Variants in TNNI3K observed in about 807,000 individuals in gnomAD.
TNNI3K encodes the protein TNNI3 interacting kinase.
A neutral mutation model predicts 114.5 loss-of-function variants in TNNI3K; 140 were observed. That is an observed-to-expected ratio of 1.22 (90% CI 1.07 to 1.41). The LOEUF is 1.41. Among genes scored for constraint, TNNI3K ranks in the 40% most tolerant of loss-of-function variants. TNNI3K has a pLI of 0.00. For synonymous variants in TNNI3K, 347 were observed against 347.5 expected, an observed-to-expected ratio of 1.00 and a Z score of 0.02; for missense variants, 1,125 against 1,007.6, an observed-to-expected ratio of 1.12 and a Z score of -1.58.
chr1:74,411,241 A>G (rs2100612174), intron 17 of TNNI3K, among the ~76,000 whole-genome samples: 1 of 152,318 alleles, frequency 6.6e-6, no homozygotes, highest in East Asian at 1.9e-4. Context: ...CATGGCTGTA[A>G]GGCCCCTGAA....
At chr1:74,353,890 T>C in intron 10 of TNNI3K, 90 bp from the exon 11 acceptor site, 6 of 1,461,792 alleles carry the variant, frequency 4.1e-6, no homozygotes, top group Non-Finnish European at 4.6e-6. Context: ...TTGGAAATAA[T>C]GCTATTATGT....
intron 5 of TNNI3K, among the ~76,000 whole-genome samples, chr1:74,315,896 TAATC>T (rs1409177094): frequency 6.6e-6 from 1 of 152,174 alleles, no homozygotes; most frequent in African/African-American, 2.4e-5. Flanking sequence ...CAAATCAAGT[TAATC>T]AACACTTATT....
At chr1:74,523,572 C>T (rs543844233) in intron 23 of TNNI3K, among the ~76,000 whole-genome samples, 3 of 152,082 alleles carry the variant, frequency 2.0e-5, no homozygotes, top group Admixed American at 6.6e-5. Flanking sequence ...ATAGTAATTT[C>T]GGTGAATATT....
intron 20 of TNNI3K, among the ~76,000 whole-genome samples, chr1:74,445,593 T>G (rs1236967725): frequency 6.6e-6 from 1 of 150,606 alleles, no homozygotes; most frequent in Non-Finnish European, 1.5e-5. Flanking sequence ...GTGTATATGT[T>G]CCACATTTTC....
intron 5 of TNNI3K, among the ~76,000 whole-genome samples, chr1:74,329,128 G>A (rs959777783): frequency 1.3e-5 from 2 of 152,158 alleles, no homozygotes; most frequent in Admixed American, 6.5e-5. Context: ...CAAGGTCAGA[G>A]GAGTGGACTG....
chr1:74,520,297 C>T (rs1646412250), intron 23 of TNNI3K, among the ~76,000 whole-genome samples: 2 of 152,108 alleles, frequency 1.3e-5, no homozygotes, highest in African/African-American at 4.8e-5. Flanking sequence ...TAAGATATGG[C>T]ATTTAAATAC....
intron 20 of TNNI3K, among the ~76,000 whole-genome samples, chr1:74,440,097 A>G (rs1442664970): frequency 6.7e-6 from 1 of 150,132 alleles, no homozygotes; most frequent in Non-Finnish European, 1.5e-5. Flanking sequence ...TATTATATGC[A>G]TATATATATA....
In TNNI3K at chr1:74,311,029, A is replaced by T. The variant is rs147154174; in HGVS notation, c.445-20421A>T. 2.7e-3 allele frequency among the ~76,000 whole-genome samples: 409 copies of T among 152,258 alleles called. 2 individuals are homozygous for T. Among genetic ancestry groups the T allele is most frequent in the African/African-American group, 9.5e-3 (395 of 41,572 alleles). On this transcript the variant is annotated intron_variant, in intron 5 of 24. Coordinates refer to ENST00000326637, the MANE Select transcript of TNNI3K (RefSeq NM_015978.3). ...TAAGTCAGTTGGTCCCCAGTTAAAC[A>T]TTATTTCTCTTAAAGATATATGTTT...
intron 5 of TNNI3K, among the ~76,000 whole-genome samples, chr1:74,314,711 A>G (rs1460183227): frequency 6.6e-6 from 1 of 152,180 alleles, no homozygotes; most frequent in Non-Finnish European, 1.5e-5. Flanking sequence ...CAAAGTCATA[A>G]TAAAATGAAA....
chr1:74,249,013 TG>T (rs1654761370), intron 2 of TNNI3K, among the ~76,000 whole-genome samples: 4 of 152,308 alleles, frequency 2.6e-5, no homozygotes, highest in Admixed American at 2.6e-4. Context: ...TGACTTTTCT[TG>T]GCCTTTTATA....
intron 23 of TNNI3K, among the ~76,000 whole-genome samples, chr1:74,517,279 T>C (rs1471347086): frequency 1.3e-5 from 2 of 152,206 alleles, no homozygotes; most frequent in Admixed American, 1.3e-4. Flanking sequence ...GGTCAGATAG[T>C]AAATCAATGC....
intron 20 of TNNI3K, among the ~76,000 whole-genome samples, chr1:74,458,520 C>A (rs1301064006): frequency 6.6e-6 from 1 of 152,142 alleles, no homozygotes; most frequent in Non-Finnish European, 1.5e-5. Context: ...CACTAGATTT[C>A]AGTAATTTAC....
Position 74,293,300 on chromosome 1 carries a change from A to G in TNNI3K, c.444+21592A>G, listed in dbSNP as rs183097556. Among the ~76,000 whole-genome samples the G allele has an allele frequency of 2.6e-5, 4 of 151,774 alleles. No homozygotes were observed. The East Asian group carries it at 7.7e-4, about 29-fold the overall frequency. On this transcript the variant is annotated intron_variant, in intron 5 of 24. Transcript: ENST00000326637. ...GTGATGATCTGTTTCTAGACTCTAT[A>G]TTAACCTACTGTTCTATTTGTTTGT...
intron 23 of TNNI3K, among the ~76,000 whole-genome samples, chr1:74,535,693 AG>A (rs1646652687): frequency 1.3e-5 from 2 of 152,142 alleles, no homozygotes; most frequent in Admixed American, 6.6e-5. Flanking sequence ...TAGGAAATGC[AG>A]CATTTTGTTT....
At chr1:74,317,113 C>G (rs1428606368) in intron 5 of TNNI3K, among the ~76,000 whole-genome samples, 1 of 152,272 alleles carries the variant, frequency 6.6e-6, no homozygotes, top group Non-Finnish European at 1.5e-5. Flanking sequence ...ACACACATAA[C>G]TTTGTTTTTG....
chr1:74,532,860 A>G (rs1232599515), intron 23 of TNNI3K, among the ~76,000 whole-genome samples: 3 of 152,174 alleles, frequency 2.0e-5, no homozygotes, highest in Non-Finnish European at 1.5e-5. Context: ...CTGGCTAGCC[A>G]TATGTAGAAA....
chr1:74,413,059 T>C (rs1664962108), intron 17 of TNNI3K, among the ~76,000 whole-genome samples: 1 of 152,198 alleles, frequency 6.6e-6, no homozygotes, highest in African/African-American at 2.4e-5. Flanking sequence ...TGATGTCAGG[T>C]TAACAATGCC....
chr1:74,420,585 A>C (rs1049197473), intron 17 of TNNI3K, among the ~76,000 whole-genome samples: 3 of 152,150 alleles, frequency 2.0e-5, no homozygotes, highest in Non-Finnish European at 4.4e-5. Context: ...TCAGGAGAGA[A>C]CACTGCAAGC....
intron 23 of TNNI3K, among the ~76,000 whole-genome samples, chr1:74,526,887 T>C (rs1646510674): frequency 6.6e-6 from 1 of 152,236 alleles, no homozygotes; most frequent in Admixed American, 6.5e-5. Context: ...TAAAGTTTTA[T>C]TGGAATACAG....
Sources: allele counts gnomAD v4.1 joint callset (sites outside exome capture counted in the v4.1 genomes callset), GRCh38; gene constraint gnomAD v4.1.1; transcripts MANE v1.5; gene names NCBI Gene and HGNC (gene_info 2026-07-23, HGNC 2026-07-21).